Variants in SUFU observed in about 807,000 individuals in gnomAD.
The protein encoded by SUFU is suppressor of fused homolog.
Under a neutral mutation model 58.9 loss-of-function variants are expected in SUFU, and 7 were observed. The ratio of observed to expected loss-of-function variants is 0.12; its 90% CI spans 0.07 to 0.22. SUFU has a LOEUF of 0.22. Ranked by LOEUF, SUFU falls within the 10% of genes least tolerant of loss-of-function variation. The pLI is 1.00. For missense variants in SUFU, 451 were observed against 641.3 expected (o/e 0.70, Z 3.20); for synonymous variants, 232 against 254.8 (o/e 0.91, Z 0.85).
intron 3 of SUFU, chr10:102,579,703 C>A: frequency 2.9e-6 from 1 of 341,236 alleles, no homozygotes; most frequent in Non-Finnish European, 4.1e-6. Flanking sequence ...CTTCTTTAAT[C>A]AAGTGGGACT....
At chr10:102,503,935 C>T (rs1013121337), upstream of SUFU, 17 of 570,754 alleles carry the variant, frequency 3.0e-5, no homozygotes, top group East Asian at 3.1e-4. Flanking sequence ...GCGCCCCGCC[C>T]CCCTTAGCGC....
At chr10:102,607,136 C>T (rs1320122873) in intron 8 of SUFU, among the ~76,000 whole-genome samples, 1 of 150,608 alleles carries the variant, frequency 6.6e-6, no homozygotes, top group African/African-American at 2.4e-5. Flanking sequence ...TCAACCTCTG[C>T]CTCCTGAGCT....
At chr10:102,541,271 C>T (rs1428123520) in intron 2 of SUFU, among the ~76,000 whole-genome samples, 1 of 152,194 alleles carries the variant, frequency 6.6e-6, no homozygotes. Context: ...CCCTGCAGTG[C>T]TTTCTACCGC....
chr10:102,592,179 C>T (rs2063409450), intron 3 of SUFU, among the ~76,000 whole-genome samples: 1 of 152,166 alleles, frequency 6.6e-6, no homozygotes, highest in Non-Finnish European at 1.5e-5. Context: ...CTTTCATTGC[C>T]CTGTTGCCTC....
At chr10:102,621,482 C>A (rs1302044701) in intron 10 of SUFU, among the ~76,000 whole-genome samples, 1 of 152,170 alleles carries the variant, frequency 6.6e-6, no homozygotes, top group African/African-American at 2.4e-5. Flanking sequence ...GAGACCTGTG[C>A]CCCAACTGCA....
At chr10:102,505,863 A>G (rs2062319046) in intron 1 of SUFU, among the ~76,000 whole-genome samples, 2 of 152,072 alleles carry the variant, frequency 1.3e-5, no homozygotes, top group African/African-American at 4.8e-5. Flanking sequence ...GTGCCTTTAT[A>G]TTTAACTATG....
At chr10:102,511,101 A>G (rs1347291860) in intron 2 of SUFU, among the ~76,000 whole-genome samples, 5 of 150,882 alleles carry the variant, frequency 3.3e-5, no homozygotes, top group Non-Finnish European at 7.4e-5. Flanking sequence ...AGCCTGGGCA[A>G]CAAGAGTGAA....
intron 2 of SUFU, among the ~76,000 whole-genome samples, chr10:102,513,669 G>C (rs1022375389): frequency 2.0e-4 from 31 of 152,332 alleles, no homozygotes; most frequent in African/African-American, 7.5e-4. Flanking sequence ...TGAGGAGGTA[G>C]CGTTTGAGAG....
chr10:102,593,523 G>T, intron 4 of SUFU, 113 bp from the exon 5 acceptor site: 5 of 1,051,444 alleles, frequency 4.8e-6, no homozygotes, highest in Non-Finnish European at 7.5e-6. Flanking sequence ...CCTGAGCACA[G>T]ATCCTGCCTG....
At chr10:102,588,610 G>C (rs953913329) in intron 3 of SUFU, among the ~76,000 whole-genome samples, 4 of 152,096 alleles carry the variant, frequency 2.6e-5, no homozygotes, top group African/African-American at 9.7e-5. Flanking sequence ...TGGGTGTCTT[G>C]CATTTCCACG....
chr10:102,559,314 CCAAA>C (rs2063011320), intron 3 of SUFU, among the ~76,000 whole-genome samples: 1 of 152,098 alleles, frequency 6.6e-6, no homozygotes, highest in African/African-American at 2.4e-5. Context: ...AGGCAGAAAA[CCAAA>C]ATTGGGGTTC....
At chr10:102,604,944 T>A (rs1217761664) in intron 8 of SUFU, among the ~76,000 whole-genome samples, 2 of 60,658 alleles carry the variant, frequency 3.3e-5, no homozygotes, top group African/African-American at 6.6e-5. Flanking sequence ...TTTTTTTTTT[T>A]AACACGAGGT....
intron 2 of SUFU, among the ~76,000 whole-genome samples, chr10:102,529,659 T>TATCTCTACTAAAACCCC: frequency 6.6e-6 from 1 of 150,844 alleles, no homozygotes; most frequent in Admixed American, 6.6e-5. Context: ...AGTGAGACTT[T>TATCTCTACTAAAACCCC]ATCTCTACTA....
intron 2 of SUFU, among the ~76,000 whole-genome samples, chr10:102,536,839 C>T (rs907819865): frequency 1.3e-5 from 2 of 152,070 alleles, no homozygotes; most frequent in Non-Finnish European, 2.9e-5. Flanking sequence ...GAGATGGAGT[C>T]TTACTCTGTT....
intron 2 of SUFU, among the ~76,000 whole-genome samples, chr10:102,540,676 T>C (rs935559924): frequency 6.6e-6 from 1 of 151,014 alleles, no homozygotes; most frequent in Non-Finnish European, 1.5e-5. Flanking sequence ...ACTAACTAAA[T>C]AAATACTATA....
intron 2 of SUFU, among the ~76,000 whole-genome samples, chr10:102,515,871 G>T (rs2062462467): frequency 6.6e-6 from 1 of 152,132 alleles, no homozygotes; most frequent in Admixed American, 6.5e-5. Flanking sequence ...TCCTCTCAGG[G>T]ATGTTCAGTG....
At chr10:102,579,201 C>G (rs548437593) in intron 3 of SUFU, among the ~76,000 whole-genome samples, 4 of 152,334 alleles carry the variant, frequency 2.6e-5, no homozygotes, top group African/African-American at 7.2e-5. Context: ...CAGGTGAACC[C>G]TCCTGAGCTC....
intron 8 of SUFU, among the ~76,000 whole-genome samples, chr10:102,606,598 A>G (rs2063564691): frequency 6.6e-6 from 1 of 152,120 alleles, no homozygotes; most frequent in Admixed American, 6.5e-5. Flanking sequence ...ATTGCCTGTA[A>G]AAGAGGATAA....
rs192025919 is a variant in SUFU, at chr10:102,549,977, G to A, written c.325G>A (p.Gly109Arg). 4 of 1,614,214 alleles carry A rather than the reference G, an allele frequency of 2.5e-6. No individual in the cohort carries two copies. In the East Asian group the frequency reaches 8.9e-5, roughly 36 times the overall value. The change falls in exon 3 of 12, where the codon GGA becomes AGA. Residue 109 changes from glycine (G) to arginine (R), a missense_variant. Transcript: ENST00000369902. Reference sequence around the variant, plus strand: ...GCTTTTTATGTCTTTCAGGTTTACAGGAACAGATGGACCTAGTGGTTTTGG... The same window carrying A: ...GCTTTTTATGTCTTTCAGGTTTACAAGAACAGATGGACCTAGTGGTTTTGG... ...YGDNRVHEFT[G>R]TDGPSGFGFE...
Sources: gnomAD v4.1 joint callset for allele counts (sites outside exome capture counted in the v4.1 genomes callset) on GRCh38, gnomAD v4.1.1 for gene constraint, MANE v1.5 for transcripts, NCBI Gene and HGNC (gene_info 2026-07-23, HGNC 2026-07-21) for gene names.